ADAMTS6: variants seen among roughly 807,000 people sequenced by gnomAD.
ADAMTS6 encodes ADAM metallopeptidase with thrombospondin type 1 motif 6, also known as A disintegrin and metalloproteinase with thrombospondin motifs 6.
A neutral mutation model predicts 144.3 loss-of-function variants in ADAMTS6; 23 were observed. That is an observed-to-expected ratio of 0.16 (90% confidence interval 0.11 to 0.23). ADAMTS6 has a LOEUF of 0.23. Ranked by LOEUF, ADAMTS6 falls within the 10% of genes least tolerant of loss-of-function variation. The pLI is 1.00. For missense variants in ADAMTS6, 999 were observed against 1,379.6 expected, an observed-to-expected ratio of 0.72 and a Z score of 4.37; for synonymous variants, 444 against 457.5, an observed-to-expected ratio of 0.97 and a Z score of 0.38.
At chr5:65,228,462 C>T (rs1199118089) in intron 15 of ADAMTS6, among the ~76,000 whole-genome samples, 1 of 152,096 alleles carries the variant, frequency 6.6e-6, no homozygotes, top group African/African-American at 2.4e-5. Flanking sequence ...AGAGTGACAT[C>T]AGCAAGATGG....
chr5:65,297,205 G>A (rs760510552), intron 10 of ADAMTS6: 8 of 456,010 alleles, frequency 1.8e-5, no homozygotes, highest in South Asian at 9.3e-5. Flanking sequence ...GCTTCTGGGC[G>A]ATTCATGAAC....
intron 7 of ADAMTS6, among the ~76,000 whole-genome samples, chr5:65,339,424 C>T (rs966805270): frequency 7.4e-6 from 1 of 135,630 alleles, no homozygotes; most frequent in African/African-American, 2.9e-5. Flanking sequence ...GCACAGAAAT[C>T]AATATGGGAA....
At chr5:65,410,640 T>C (rs1754974118) in intron 7 of ADAMTS6, among the ~76,000 whole-genome samples, 1 of 152,180 alleles carries the variant, frequency 6.6e-6, no homozygotes, top group South Asian at 2.1e-4. Flanking sequence ...AATTTATTCC[T>C]CCAAATTGAA....
intron 7 of ADAMTS6, among the ~76,000 whole-genome samples, chr5:65,347,714 C>G (rs1434847879): frequency 2.0e-5 from 3 of 151,924 alleles, no homozygotes; most frequent in Non-Finnish European, 4.4e-5. Context: ...ATAAGACAAC[C>G]TATAGATTAG....
rs552497101 is a variant in ADAMTS6 at position 65,328,783 on chromosome 5, G to A, written c.1223+595C>T. On this transcript the variant is annotated intron_variant, in intron 9 of 24. Transcript: ENST00000381055. ...AATGGTATTTTTTGCATGGGTGGGGGCAGGGTACATAAGATAGTTTTTCCT... is the reference window on the plus strand; with the variant it reads ...AATGGTATTTTTTGCATGGGTGGGGACAGGGTACATAAGATAGTTTTTCCT... Among the ~76,000 whole-genome samples the A allele has an allele frequency of 2.0e-5, 3 of 151,490 alleles. No individual in the cohort carries two copies. In the South Asian group the frequency reaches 6.3e-4, roughly 32 times the overall value.
At chr5:65,341,818 GAGAA>G (rs1561444333) in intron 7 of ADAMTS6, among the ~76,000 whole-genome samples, 1 of 152,110 alleles carries the variant, frequency 6.6e-6, no homozygotes, top group Non-Finnish European at 1.5e-5. Context: ...GTGAAGCAGA[GAGAA>G]ATCTTTCCTA....
chr5:65,346,921 A>G (rs1238103710), intron 7 of ADAMTS6, among the ~76,000 whole-genome samples: 1 of 151,768 alleles, frequency 6.6e-6, no homozygotes, highest in Admixed American at 6.6e-5. Flanking sequence ...CCCAAAAAAG[A>G]AATCAAGAAA....
chr5:65,160,402 G>T (rs575412075), intron 24 of ADAMTS6, among the ~76,000 whole-genome samples: 1 of 151,344 alleles, frequency 6.6e-6, no homozygotes, highest in East Asian at 2.0e-4. Flanking sequence ...CGCCTCCCGG[G>T]TTCACGCCAT....
intron 1 of ADAMTS6, among the ~76,000 whole-genome samples, chr5:65,475,404 C>T (rs1267338744): frequency 6.6e-6 from 1 of 152,082 alleles, no homozygotes; most frequent in Non-Finnish European, 1.5e-5. Flanking sequence ...ATAACAACAT[C>T]AGAATACAGA....
intron 18 of ADAMTS6, among the ~76,000 whole-genome samples, chr5:65,216,831 T>C (rs542599262): frequency 6.9e-6 from 1 of 145,464 alleles, no homozygotes; most frequent in African/African-American, 2.6e-5. Context: ...CACATGTAGC[T>C]GAAAAAGTAT....
At chr5:65,474,625 T>A (rs890644233) in intron 1 of ADAMTS6, among the ~76,000 whole-genome samples, 4 of 151,902 alleles carry the variant, frequency 2.6e-5, no homozygotes, top group African/African-American at 9.7e-5. Flanking sequence ...TACAACAGAT[T>A]TCAAGTCCTA....
At chr5:65,189,850 C>T (rs1033282329) in intron 21 of ADAMTS6, among the ~76,000 whole-genome samples, 13 of 152,162 alleles carry the variant, frequency 8.5e-5, no homozygotes, top group African/African-American at 2.2e-4. Flanking sequence ...GTTACAAGCA[C>T]GGGATCACAA....
intron 9 of ADAMTS6, among the ~76,000 whole-genome samples, chr5:65,309,591 TACACACACAC>T (rs149843490): frequency 2.7e-5 from 4 of 147,296 alleles, no homozygotes; most frequent in South Asian, 2.2e-4. Flanking sequence ...CCTGTTATAA[TACACACACAC>T]ACACACACAC....
At chr5:65,234,245 C>A (rs1215022589) in intron 15 of ADAMTS6, among the ~76,000 whole-genome samples, 6 of 151,644 alleles carry the variant, frequency 4.0e-5, no homozygotes, top group Admixed American at 2.0e-4. Flanking sequence ...GGATATGACA[C>A]CAAAAGCACA....
intron 14 of ADAMTS6, among the ~76,000 whole-genome samples, chr5:65,249,971 A>G (rs1760007319): frequency 6.6e-6 from 1 of 152,132 alleles, no homozygotes; most frequent in African/African-American, 2.4e-5. Context: ...CTTTCAGAAA[A>G]GCTTACCTTG....
chr5:65,428,506 G>C lies in ADAMTS6; in HGVS notation c.1073+22969C>G, dbSNP rs145104388. On this transcript the variant is annotated intron_variant, in intron 7 of 24. Transcript: ENST00000381055. ...TATTGAAAAGTAAAAGTACTTACAT[G>C]CTGAAGGATCAGATTTAAAAGACTT... is the stretch of plus-strand genomic sequence containing the variant. Among the ~76,000 whole-genome samples, 1,045 of 152,232 alleles carry C rather than the reference G, an allele frequency of 6.9e-3. 6 individuals carry two copies. Among genetic ancestry groups the C allele is most frequent in the African/African-American group, 0.022 (924 of 41,546 alleles).
chr5:65,291,393 A>T lies in ADAMTS6; in HGVS notation c.1448T>A (p.Val483Glu). 6.2e-7 allele frequency: 1 copy of T among 1,614,038 alleles called. No individual in the cohort carries two copies. Among genetic ancestry groups the T allele is most frequent in the Non-Finnish European group, 8.5e-7 (1 of 1,179,958 alleles). The change falls in exon 11 of 25, where the codon GTG becomes GAG. Residue 483 changes from valine to glutamate, a missense_variant. Physicochemically the swap from Val to Glu is moderately radical, Grantham distance 121. Coordinates refer to ENST00000381055, the MANE Select transcript of ADAMTS6 (RefSeq NM_197941.4). ...FLYPAVAPGQ[V>E]YDADEQCRFQ... Reference sequence around the variant, plus strand: ...ACGACATTGCTCATCAGCATCATACACCTGACCTGGGGCCACAGCTGGATA... The same window carrying T: ...ACGACATTGCTCATCAGCATCATACTCCTGACCTGGGGCCACAGCTGGATA...
intron 7 of ADAMTS6, among the ~76,000 whole-genome samples, chr5:65,387,889 A>AGAGGGG (rs1198319988): frequency 1.3e-5 from 2 of 152,216 alleles, no homozygotes; most frequent in Non-Finnish European, 2.9e-5. Context: ...ATAAGGTATG[A>AGAGGGG]GACTAAAGTA....
chr5:65,206,606 A>G (rs1229877736), intron 20 of ADAMTS6, among the ~76,000 whole-genome samples: 1 of 149,524 alleles, frequency 6.7e-6, no homozygotes, highest in Non-Finnish European at 1.5e-5. Context: ...AGTCTGAGGC[A>G]GGGGAATTGC....
Sources: allele counts gnomAD v4.1 joint callset (sites outside exome capture counted in the v4.1 genomes callset), GRCh38; gene constraint gnomAD v4.1.1; transcripts MANE v1.5; gene names NCBI Gene and HGNC (gene_info 2026-07-23, HGNC 2026-07-21).